TMEM181: variants seen among roughly 807,000 people sequenced by gnomAD.
TMEM181 encodes the protein transmembrane protein 181.
TMEM181 carries 39 observed loss-of-function variants against 71.9 expected under a neutral mutation model. The ratio of observed to expected loss-of-function variants is 0.54; its 90% CI spans 0.42 to 0.71. The LOEUF (loss-of-function observed/expected upper bound fraction) is 0.71, where lower values mean the gene tolerates loss of function less well. Among genes scored for constraint, TMEM181 ranks in the 30% least tolerant of loss-of-function variants. TMEM181 has a pLI of 0.00. For missense variants in TMEM181, 595 were observed against 583.0 expected (o/e 1.02, Z -0.21); for synonymous variants, 245 against 228.8 (o/e 1.07, Z -0.64).
At chr6:158,586,954 A>G (rs921090100) in intron 5 of TMEM181, among the ~76,000 whole-genome samples, 4 of 152,234 alleles carry the variant, frequency 2.6e-5, no homozygotes, top group East Asian at 1.9e-4. Context: ...TGCTGAAGGG[A>G]TAACAGGTGT....
intron 14 of TMEM181, among the ~76,000 whole-genome samples, chr6:158,628,991 G>T (rs983180065): frequency 6.6e-6 from 1 of 152,200 alleles, no homozygotes; most frequent in Non-Finnish European, 1.5e-5. Flanking sequence ...AGTTGTGGCA[G>T]GTTGAGCCTG....
intron 1 of TMEM181, among the ~76,000 whole-genome samples, chr6:158,570,594 C>A (rs746648793): frequency 6.6e-6 from 1 of 151,998 alleles, no homozygotes; most frequent in Non-Finnish European, 1.5e-5. Context: ...AGTCAGTATA[C>A]GTGCCCAAGA....
chr6:158,617,728 G>A (rs1450282463), intron 10 of TMEM181, among the ~76,000 whole-genome samples: 2 of 151,954 alleles, frequency 1.3e-5, no homozygotes. Flanking sequence ...CCTTCATTTC[G>A]TCATTTACCC....
chr6:158,572,448 ACAGCGC>A (rs769455311), intron 1 of TMEM181: 7 of 456,572 alleles, frequency 1.5e-5, no homozygotes, highest in Non-Finnish European at 2.6e-5. Flanking sequence ...AGCAAAACAG[ACAGCGC>A]CGCACGTCCC....
At chr6:158,564,066 C>T (rs1351017146) in intron 1 of TMEM181, among the ~76,000 whole-genome samples, 1 of 152,240 alleles carries the variant, frequency 6.6e-6, no homozygotes. Flanking sequence ...GCATGAGCCA[C>T]TGCGCCTGGC....
At chr6:158,536,707 G>T in exon 1 of TMEM181, 2 of 1,549,614 alleles carry the variant, frequency 1.3e-6, no homozygotes. Context: ...GTGGAGCGGC[G>T]GGACCGGGAC....
intron 10 of TMEM181, among the ~76,000 whole-genome samples, chr6:158,613,734 A>T (rs1014190007): frequency 6.6e-6 from 1 of 152,240 alleles, no homozygotes; most frequent in African/African-American, 2.4e-5. Flanking sequence ...AAGAAAATAT[A>T]TTCTTACCGC....
chr6:158,578,044 C>A (rs955764922), intron 2 of TMEM181, among the ~76,000 whole-genome samples: 1 of 152,006 alleles, frequency 6.6e-6, no homozygotes, highest in Non-Finnish European at 1.5e-5. Flanking sequence ...GAGCTGAGAT[C>A]GCGCCATTGC....
exon 1 of TMEM181, chr6:158,536,719 C>T (rs749821159): frequency 1.3e-5 from 21 of 1,558,322 alleles, no homozygotes; most frequent in Non-Finnish European, 1.8e-5. Flanking sequence ...GACCGGGACC[C>T]GGGAGGCTGC....
chr6:158,578,407 C>A (rs1329707129), intron 2 of TMEM181, among the ~76,000 whole-genome samples: 1 of 152,100 alleles, frequency 6.6e-6, no homozygotes, highest in Non-Finnish European at 1.5e-5. Flanking sequence ...TTTTAAAAAG[C>A]CAACTATTAC....
At chr6:158,560,063 G>T, upstream of TMEM181, 1 of 985,194 alleles carries the variant, frequency 1.0e-6, no homozygotes, top group Non-Finnish European at 1.2e-6. Flanking sequence ...TCGCTTCCGC[G>T]CACGTGATCT....
At chr6:158,537,415 T>A (rs1781162788) in intron 1 of TMEM181, among the ~76,000 whole-genome samples, 1 of 152,178 alleles carries the variant, frequency 6.6e-6, no homozygotes, top group Non-Finnish European at 1.5e-5. Context: ...CGGGGCGCCA[T>A]GCGGGGACAC....
intron 1 of TMEM181, among the ~76,000 whole-genome samples, chr6:158,571,671 C>A (rs1209400689): frequency 3.9e-5 from 6 of 152,226 alleles, no homozygotes; most frequent in African/African-American, 1.4e-4. Flanking sequence ...GGGTTAACTG[C>A]GGAAGGTCAG....
intron 1 of TMEM181, among the ~76,000 whole-genome samples, chr6:158,543,923 T>C (rs764501028): frequency 6.6e-6 from 1 of 152,202 alleles, no homozygotes; most frequent in African/African-American, 2.4e-5. Context: ...TTTCTAAGCG[T>C]AGCAGCCGAA....
intron 5 of TMEM181, among the ~76,000 whole-genome samples, chr6:158,588,385 C>G (rs937967689): frequency 1.3e-5 from 2 of 152,210 alleles, no homozygotes. Context: ...GGTCAGCACC[C>G]CACTGTGTTA....
intron 10 of TMEM181, among the ~76,000 whole-genome samples, chr6:158,622,095 G>T (rs1446456195): frequency 6.6e-6 from 1 of 152,136 alleles, no homozygotes; most frequent in African/African-American, 2.4e-5. Flanking sequence ...ACACTGTTCT[G>T]CCCTGCCTGA....
At position 158,608,425 on chromosome 6, in the gene TMEM181, C is replaced by T. The variant is rs372625737; in HGVS notation, c.766C>T (p.Leu256Phe). 2 of 1,614,134 alleles carry T rather than the reference C, an allele frequency of 1.2e-6. No homozygotes were observed. The highest frequency in any genetic ancestry group is 1.7e-6 in the Non-Finnish European group (2 of 1,180,052). Residue 256 changes from leucine to phenylalanine, a missense_variant, in exon 9 of 17, where the codon CTC (leucine) becomes TTC (phenylalanine). Physicochemically the swap from Leu to Phe is conservative, Grantham distance 22 (BLOSUM62 0). Coordinates refer to ENST00000684151, the MANE Select transcript of TMEM181 (RefSeq NM_001376852.1). ...FQSMFLCALLLFWLCVYHGIR... is the reference protein window; with the variant it reads ...FQSMFLCALLFFWLCVYHGIR... ...GTCCATGTTCCTGTGCGCCCTGCTG[C>T]TCTTCTGGCTGTGCGTGTACCACGG...
intron 1 of TMEM181, among the ~76,000 whole-genome samples, chr6:158,562,060 C>G (rs1438737575): frequency 6.6e-6 from 1 of 152,018 alleles, no homozygotes; most frequent in South Asian, 2.1e-4. Flanking sequence ...AGAACAGAGC[C>G]GCTTGGAGGA....
upstream of TMEM181, among the ~76,000 whole-genome samples, chr6:158,558,729 C>T (rs550826601): frequency 2.0e-5 from 3 of 152,304 alleles, no homozygotes; most frequent in Admixed American, 1.3e-4. Context: ...AGTAGGGAGG[C>T]ATCCTCAGGC....
Sources: gnomAD v4.1 joint callset for allele counts (sites outside exome capture counted in the v4.1 genomes callset) on GRCh38, gnomAD v4.1.1 for gene constraint, MANE v1.5 for transcripts, NCBI Gene and HGNC (gene_info 2026-07-23, HGNC 2026-07-21) for gene names.